Variants in SLC39A11 observed in about 807,000 individuals in gnomAD.
SLC39A11 encodes solute carrier family 39 member 11.
A neutral mutation model predicts 36.1 loss-of-function variants in SLC39A11; 33 were observed. The observed-to-expected ratio is 0.91, with a 90% CI of 0.69 to 1.22. SLC39A11 has a LOEUF of 1.22. Among genes scored for constraint, SLC39A11 ranks in the 50% most tolerant of loss-of-function variants. SLC39A11 has a pLI of 0.00. For missense variants in SLC39A11, 432 were observed against 430.3 expected (o/e 1.00, Z -0.03); for synonymous variants, 166 against 170.3 (o/e 0.97, Z 0.20).
chr17:72,728,056 G>A (rs1162443047), intron 7 of SLC39A11, among the ~76,000 whole-genome samples: 2 of 152,180 alleles, frequency 1.3e-5, no homozygotes, highest in Non-Finnish European at 2.9e-5. Flanking sequence ...CAAGCAAGAG[G>A]TCATAAAAAA....
Position 72,647,575 on chromosome 17 carries a change from G to A in SLC39A11, c.*9C>T, listed in dbSNP as rs193153239. On this transcript the variant is annotated 3_prime_UTR_variant, in exon 10 of 10. Coordinates refer to ENST00000255559, the MANE Select transcript of SLC39A11 (RefSeq NM_139177.4). ...TATGGCCTTTCCCGGGGTCCGAAGC[G>A]TCTCAGCCCTAGCCCAGGCCAACGT... is the stretch of plus-strand genomic sequence containing the variant. The A allele has an allele frequency of 6.1e-5, 99 of 1,612,918 alleles. No individual in the cohort carries two copies. Among genetic ancestry groups the A allele is most frequent in the African/African-American group, 3.6e-4 (27 of 74,990 alleles).
intron 7 of SLC39A11, among the ~76,000 whole-genome samples, chr17:72,651,567 C>T (rs770028765): frequency 6.6e-6 from 1 of 152,150 alleles, no homozygotes; most frequent in Non-Finnish European, 1.5e-5. Flanking sequence ...GTGAGCACCC[C>T]GTGGCAGGGA....
intron 5 of SLC39A11, among the ~76,000 whole-genome samples, chr17:72,880,556 A>C (rs932458664): frequency 6.6e-6 from 1 of 152,144 alleles, no homozygotes; most frequent in Non-Finnish European, 1.5e-5. Context: ...CCTGTCTCAA[A>C]AAAAGGAAAA....
At chr17:72,898,151 G>A (rs1363497811) in intron 5 of SLC39A11, among the ~76,000 whole-genome samples, 2 of 152,128 alleles carry the variant, frequency 1.3e-5, no homozygotes, top group African/African-American at 2.4e-5. Flanking sequence ...GCAATTTGGG[G>A]GCCACCTCAG....
chr17:72,751,732 T>A (rs2075163614), intron 6 of SLC39A11, among the ~76,000 whole-genome samples: 1 of 152,160 alleles, frequency 6.6e-6, no homozygotes. Flanking sequence ...CATGCATCAC[T>A]ATGCCCGGCT....
chr17:73,085,992 G>A (rs114556975), intron 2 of SLC39A11, among the ~76,000 whole-genome samples: 1 of 152,278 alleles, frequency 6.6e-6, no homozygotes, highest in African/African-American at 2.4e-5. Flanking sequence ...AACAAGTAGG[G>A]TAAAATCAGC....
At chr17:72,945,857 G>A (rs2085400729) in intron 5 of SLC39A11, among the ~76,000 whole-genome samples, 1 of 152,090 alleles carries the variant, frequency 6.6e-6, no homozygotes, top group Non-Finnish European at 1.5e-5. Flanking sequence ...TCCATCCAAG[G>A]GCTTGCCAAT....
At position 72,665,403 on chromosome 17, in the gene SLC39A11, T is replaced by TG. The variant is rs71152201; in HGVS notation, c.672-16136_672-16135insC. ...AGTTTTGAGGTGTTTTTTTTTTTTT[T>TG]TTTTTTTGAGACAGGGTCTTGCTGT... is the stretch of plus-strand genomic sequence containing the variant. On this transcript the variant is annotated intron_variant, in intron 7 of 9. Coordinates refer to ENST00000255559, the MANE Select transcript of SLC39A11 (RefSeq NM_139177.4). 7.7e-4 allele frequency among the ~76,000 whole-genome samples: 106 copies of TG among 138,096 alleles called. 1 individual carries two copies. The highest frequency in any genetic ancestry group is 3.5e-3 in the East Asian group (17 of 4,836). 90.6% of individuals were successfully genotyped at this position (138,096 alleles called of 152,430 possible). A position where few individuals can be genotyped will look rare whatever the true frequency, so the allele number is the denominator to read the frequency against.
chr17:72,870,167 G>A lies in SLC39A11; in HGVS notation c.431-20363C>T, dbSNP rs114514500. Among the ~76,000 whole-genome samples the A allele has an allele frequency of 4.3e-3, 656 of 152,158 alleles. 5 individuals carry two copies. Among genetic ancestry groups the A allele is most frequent in the African/African-American group, 0.015 (624 of 41,490 alleles). ...AGTGCTTAAGGTGAGTCTAATGTGCGAGGTCAGCAGACCACACTGAGAAAC... is the reference window on the plus strand; with the variant it reads ...AGTGCTTAAGGTGAGTCTAATGTGCAAGGTCAGCAGACCACACTGAGAAAC... On this transcript the variant is annotated intron_variant, in intron 5 of 9. Coordinates refer to ENST00000255559, the MANE Select transcript of SLC39A11 (RefSeq NM_139177.4).
intron 4 of SLC39A11, among the ~76,000 whole-genome samples, chr17:72,986,549 A>G (rs746121894): frequency 1.8e-4 from 28 of 151,494 alleles, no homozygotes; most frequent in Admixed American, 5.9e-4. Context: ...TGCACCCTCC[A>G]CCCCCAGCTA....
chr17:72,662,593 GAAAGA>G (rs2070499876), intron 7 of SLC39A11, among the ~76,000 whole-genome samples: 2 of 115,632 alleles, frequency 1.7e-5, no homozygotes, highest in African/African-American at 7.0e-5. Context: ...GAAGGAAAAG[GAAAGA>G]AAAGGAAGGA....
intron 4 of SLC39A11, among the ~76,000 whole-genome samples, chr17:72,958,517 T>C (rs1327291131): frequency 3.3e-5 from 5 of 151,650 alleles, no homozygotes; most frequent in African/African-American, 1.2e-4. Context: ...AAACAAACAA[T>C]CCCATCCAAA....
At chr17:73,057,210 C>T (rs1373801762) in intron 3 of SLC39A11, among the ~76,000 whole-genome samples, 3 of 152,222 alleles carry the variant, frequency 2.0e-5, no homozygotes, top group Admixed American at 1.3e-4. Context: ...AAGCCACGCA[C>T]CCGCCTTGTC....
chr17:72,750,996 C>A (rs759987722), intron 6 of SLC39A11, among the ~76,000 whole-genome samples: 8 of 152,192 alleles, frequency 5.3e-5, no homozygotes, highest in Non-Finnish European at 1.2e-4. Flanking sequence ...CCTATAATCC[C>A]AGCACTTTGG....
At chr17:72,655,473 T>C (rs1402704432) in intron 7 of SLC39A11, among the ~76,000 whole-genome samples, 1 of 152,210 alleles carries the variant, frequency 6.6e-6, no homozygotes, top group Non-Finnish European at 1.5e-5. Context: ...TCTCGGTTTA[T>C]TGCCGTGGCA....
intron 7 of SLC39A11, among the ~76,000 whole-genome samples, chr17:72,680,554 GCTC>G (rs1156385691): frequency 6.6e-6 from 1 of 152,158 alleles, no homozygotes; most frequent in African/African-American, 2.4e-5. Flanking sequence ...ACATGATTTT[GCTC>G]CTCATTTGCC....
intron 5 of SLC39A11, among the ~76,000 whole-genome samples, chr17:72,933,537 T>C (rs2147468151): frequency 6.6e-6 from 1 of 152,340 alleles, no homozygotes; most frequent in African/African-American, 2.4e-5. Context: ...TTTGTTTTTC[T>C]GAGATGGAGT....
intron 3 of SLC39A11, chr17:73,068,125 A>G (rs2060050735): frequency 1.5e-6 from 2 of 1,362,634 alleles, no homozygotes; most frequent in African/African-American, 2.9e-5. Context: ...GCAAAATGTC[A>G]ATTTTTTTCT....
intron 6 of SLC39A11, among the ~76,000 whole-genome samples, chr17:72,771,558 G>A (rs2075945619): frequency 6.6e-6 from 1 of 152,012 alleles, no homozygotes; most frequent in South Asian, 2.1e-4. Flanking sequence ...CTCCATGGTA[G>A]GATGGATTAC....
Sources: gnomAD v4.1 joint callset for allele counts (sites outside exome capture counted in the v4.1 genomes callset) on GRCh38, gnomAD v4.1.1 for gene constraint, MANE v1.5 for transcripts, NCBI Gene and HGNC (gene_info 2026-07-23, HGNC 2026-07-21) for gene names.